ZNF560: variants seen among roughly 807,000 people sequenced by gnomAD.
The protein encoded by ZNF560 is zinc finger protein 560.
ZNF560 carries 54 observed loss-of-function variants against 81.8 expected under a neutral mutation model. The observed-to-expected ratio is 0.66, with a 90% confidence interval of 0.53 to 0.83. ZNF560 has a LOEUF of 0.83. Among genes scored for constraint, ZNF560 ranks in the 40% least tolerant of loss-of-function variants. The probability of loss-of-function intolerance (pLI) is 0.00; values close to 1 mark genes in which losing one functional copy is unlikely to be tolerated. For synonymous variants in ZNF560, 321 were observed against 317.9 expected (o/e 1.01, Z -0.10); for missense variants, 940 against 932.4 (o/e 1.01, Z -0.11).
At chr19:9,487,981 C>T (rs1375072170) in intron 2 of ZNF560, among the ~76,000 whole-genome samples, 1 of 152,166 alleles carries the variant, frequency 6.6e-6, no homozygotes, top group Non-Finnish European at 1.5e-5. Context: ...CTGTCCCCAT[C>T]ACAACTCCTG....
the ZNF560 span, among the ~76,000 whole-genome samples, chr19:9,447,991 C>T: frequency 1.3e-5 from 2 of 152,132 alleles, no homozygotes; most frequent in African/African-American, 4.8e-5. Flanking sequence ...AAGGGAATCT[C>T]GTCATCAGGC....
the ZNF560 span, among the ~76,000 whole-genome samples, chr19:9,503,776 G>C: frequency 0.018 from 2,780 of 152,218 alleles, 78 homozygotes; most frequent in African/African-American, 0.055. Context: ...AGCCTCAAGT[G>C]ATCCTCCTGC....
intron 2 of ZNF560, among the ~76,000 whole-genome samples, chr19:9,480,530 A>G (rs190615856): frequency 6.6e-6 from 1 of 152,300 alleles, no homozygotes; most frequent in Admixed American, 6.5e-5. Flanking sequence ...AGAAGGAAGG[A>G]AATAATAAAG....
chr19:9,461,248 G>A, the ZNF560 span, among the ~76,000 whole-genome samples: 1 of 152,142 alleles, frequency 6.6e-6, no homozygotes, highest in Non-Finnish European at 1.5e-5. Context: ...GCGATCTAAA[G>A]TTTGACACCC....
In ZNF560 at chr19:9,467,891, T is replaced by C; in HGVS notation, c.1056A>G (p.Glu352=). The change falls in exon 10 of 10, where the codon GAA becomes GAG. Residue 352 remains glutamate (E), a synonymous_variant. Transcript: ENST00000301480. ...HIIKNPYECK[E]CGKDFRYPTH... is the part of the protein sequence containing the mutation. ...TAGGGTATCTAAAATCTTTTCCACATTCCTTACATTCATAGGGGTTTTTAA... is the reference window on the plus strand; with the variant it reads ...TAGGGTATCTAAAATCTTTTCCACACTCCTTACATTCATAGGGGTTTTTAA... 2 of 1,614,210 alleles carry C rather than the reference T, an allele frequency of 1.2e-6. No individual in the cohort carries two copies. The highest frequency in any genetic ancestry group is 8.5e-7 in the Non-Finnish European group (1 of 1,180,032).
the ZNF560 span, among the ~76,000 whole-genome samples, chr19:9,445,908 C>T: frequency 6.6e-6 from 1 of 152,162 alleles, no homozygotes; most frequent in South Asian, 2.1e-4. Context: ...TCATCTATCT[C>T]ACATTCCAGC....
chr19:9,470,428 C>T lies in ZNF560; in HGVS notation c.412G>A (p.Val138Met). ...DPAQRNLYSD[V>M]MLENYKNLSS... The stretch of plus-strand genomic sequence containing the variant: ...AGGTTCTTGTAGTTCTCCAGCATCA[C>T]ATCACTGTACAGGTTTCTCTGAGCT... Residue 138 changes from valine (V) to methionine (M), a missense_variant, in exon 7 of 10, where the codon GTG becomes ATG. Transcript: ENST00000301480. 4 of 1,613,744 alleles carry T rather than the reference C, an allele frequency of 2.5e-6. No homozygotes were observed. The highest frequency in any genetic ancestry group is 3.4e-6 in the Non-Finnish European group (4 of 1,179,818).
chr19:9,502,057 G>A (rs1389166150), upstream of ZNF560, among the ~76,000 whole-genome samples: 1 of 151,802 alleles, frequency 6.6e-6, no homozygotes, highest in Non-Finnish European at 1.5e-5. Flanking sequence ...GGGAGGCTGA[G>A]GCAGGAGAAT....
rs377006748 is a variant in ZNF560, at chr19:9,467,276, T to C, written c.1671A>G (p.Ser557=). 298 of 1,614,026 alleles carry C rather than the reference T, an allele frequency of 1.8e-4. No individual in the cohort carries two copies. The highest frequency in any genetic ancestry group is 2.2e-4 in the Admixed American group (13 of 60,010). ...KKCGKAFTKC[S]YLTKHLRTHA... is the part of the protein sequence containing the mutation. Reference sequence around the variant, plus strand: ...GTGTTCGTAAATGTTTGGTAAGATATGAGCACTTAGTGAAAGCTTTACCAC... The same window carrying C: ...GTGTTCGTAAATGTTTGGTAAGATACGAGCACTTAGTGAAAGCTTTACCAC... The change falls in exon 10 of 10, where the codon TCA becomes TCG. Residue 557 remains serine (S), a synonymous_variant. Transcript: ENST00000301480.
At chr19:9,483,496 AGCCCCCGCCCGGCC>A (rs2073330368) in intron 2 of ZNF560, among the ~76,000 whole-genome samples, 1 of 146,586 alleles carries the variant, frequency 6.8e-6, no homozygotes, top group Non-Finnish European at 1.5e-5. Context: ...GTGGGGGGTC[AGCCCCCGCCCGGCC>A]AGCCGCCCCG....
At chr19:9,462,804 G>T (rs10413667), downstream of ZNF560, among the ~76,000 whole-genome samples, 1 of 152,006 alleles carries the variant, frequency 6.6e-6, no homozygotes, top group African/African-American at 2.4e-5. Flanking sequence ...TAAATATTAG[G>T]TATCTATCAA....
At chr19:9,492,235 G>T (rs1046883131) in intron 2 of ZNF560, among the ~76,000 whole-genome samples, 1 of 152,098 alleles carries the variant, frequency 6.6e-6, no homozygotes, top group African/African-American at 2.4e-5. Flanking sequence ...TGAACCAAGG[G>T]CATTAATTTC....
At position 9,473,202 on chromosome 19, in the gene ZNF560, G is replaced by C; in HGVS notation, c.215C>G (p.Thr72Ser). 6.2e-7 allele frequency: 1 copy of C among 1,613,818 alleles called. No individual in the cohort carries two copies. Among genetic ancestry groups the C allele is most frequent in the Non-Finnish European group, 8.5e-7 (1 of 1,179,854 alleles). ...ISWLEEEELRTLQQGVLQDWA... is the reference protein window; with the variant it reads ...ISWLEEEELRSLQQGVLQDWA... Reference sequence around the variant, plus strand: ...ACCTTGGAGAACTCCTTGCTGCAAGGTTCTCAACTCTTCTTCTTCCAACCA... The same window carrying C: ...ACCTTGGAGAACTCCTTGCTGCAAGCTTCTCAACTCTTCTTCTTCCAACCA... The change falls in exon 5 of 10, where the codon ACC becomes AGC. Residue 72 changes from threonine (T) to serine (S), a missense_variant. Thr to Ser is a moderately conservative substitution (Grantham distance 58). Transcript: ENST00000301480.
At chr19:9,488,947 G>T (rs191236636) in intron 2 of ZNF560, among the ~76,000 whole-genome samples, 1 of 152,142 alleles carries the variant, frequency 6.6e-6, no homozygotes, top group East Asian at 1.9e-4. Context: ...ATTCTCCCTT[G>T]CTCCTGGCTC....
chr19:9,469,270 T>G lies in ZNF560; in HGVS notation c.530-83A>C, dbSNP rs974581638. The G allele has an allele frequency of 5.7e-5, 61 of 1,077,450 alleles. 1 individual carries two copies. Among genetic ancestry groups the G allele is most frequent in the South Asian group, 2.7e-4 (17 of 62,170 alleles). The allele number at this position is 1,077,450 out of a possible 1,614,324, so 66.7% of individuals were successfully genotyped here. A position where few individuals can be genotyped will look rare whatever the true frequency, so the allele number is the denominator to read the frequency against. ...AAAAAGCAGATAGATTTGAACAATT[T>G]ATATATGTCTAAAATTTGGCAATCA... is the stretch of plus-strand genomic sequence containing the variant. On this transcript the variant is annotated intron_variant, in intron 8 of 9. Transcript: ENST00000301480.
chr19:9,449,974 CAAA>C, the ZNF560 span, among the ~76,000 whole-genome samples: 39 of 43,366 alleles, frequency 9.0e-4, no homozygotes, highest in African/African-American at 2.2e-3. Flanking sequence ...AACTCTGTCT[CAAA>C]AAAAAAAAAA....
the ZNF560 span, among the ~76,000 whole-genome samples, chr19:9,450,405 A>G: frequency 3.3e-5 from 5 of 152,194 alleles, no homozygotes; most frequent in Admixed American, 1.3e-4. Flanking sequence ...AAATAGGACT[A>G]TTTGTCTTCA....
the ZNF560 span, among the ~76,000 whole-genome samples, chr19:9,505,090 AT>A: frequency 2.0e-5 from 3 of 152,186 alleles, no homozygotes; most frequent in Non-Finnish European, 4.4e-5. Flanking sequence ...TCTCAAAAAA[AT>A]AAATAAATAA....
At chr19:9,448,711 A>G in the ZNF560 span, among the ~76,000 whole-genome samples, 1 of 152,122 alleles carries the variant, frequency 6.6e-6, no homozygotes, top group Non-Finnish European at 1.5e-5. Flanking sequence ...TTAGCCTTGA[A>G]TGTAAATGGT....
Sources: gnomAD v4.1 joint callset for allele counts (sites outside exome capture counted in the v4.1 genomes callset) on GRCh38, gnomAD v4.1.1 for gene constraint, MANE v1.5 for transcripts, NCBI Gene and HGNC (gene_info 2026-07-23, HGNC 2026-07-21) for gene names.